VPS13A: variants seen among roughly 807,000 people sequenced by gnomAD.
VPS13A encodes the protein vacuolar protein sorting 13 homolog A.
VPS13A carries 264 observed loss-of-function variants against 390.9 expected under a neutral mutation model. That is an observed-to-expected ratio of 0.68 (90% CI 0.61 to 0.75). The LOEUF (loss-of-function observed/expected upper bound fraction) is 0.75, where lower values mean the gene tolerates loss of function less well. Among genes scored for constraint, VPS13A ranks in the 30% least tolerant of loss-of-function variants. The probability of loss-of-function intolerance (pLI) is 0.00; values close to 1 mark genes in which losing one functional copy is unlikely to be tolerated. For synonymous variants in VPS13A, 1,231 were observed against 1,227.1 expected, an observed-to-expected ratio of 1.00 and a Z score of -0.07; for missense variants, 3,409 against 3,733.9, an observed-to-expected ratio of 0.91 and a Z score of 2.27.
intron 71 of VPS13A, 23 bp downstream of exon 71, chr9:77,407,630 T>A: frequency 6.5e-7 from 1 of 1,548,102 alleles, no homozygotes; most frequent in Non-Finnish European, 8.9e-7. Flanking sequence ...AATCTTTTAT[T>A]TAAATAGGAG....
At chr9:77,366,636 T>C in intron 60 of VPS13A, 91 bp from the exon 61 acceptor site, 2 of 1,093,182 alleles carry the variant, frequency 1.8e-6, no homozygotes, top group Admixed American at 2.1e-5. Flanking sequence ...ATTTATGGTG[T>C]AGTGAATTTA....
At chr9:77,414,728 T>C (rs1304890146) in intron 71 of VPS13A, among the ~76,000 whole-genome samples, 2 of 124,012 alleles carry the variant, frequency 1.6e-5, no homozygotes, top group African/African-American at 3.0e-5. Flanking sequence ...ACCCTAAAAC[T>C]TGAAGTATAA....
In VPS13A at chr9:77,178,029, G is replaced by C. The variant is rs114803328; in HGVS notation, c.100+225G>C. 6 of 516,728 alleles carry C rather than the reference G, an allele frequency of 1.2e-5. 1 individual carries two copies. The South Asian group carries it at 1.2e-4, about 10-fold the overall frequency. 32.0% of individuals were successfully genotyped at this position (516,728 alleles called of 1,614,324 possible). On this transcript the variant is annotated intron_variant, in intron 1 of 71. Coordinates refer to ENST00000360280, the MANE Select transcript of VPS13A (RefSeq NM_033305.3). ...GGGGAAAGGAGAGGGTCATGAGTGC[G>C]GGATGAAAAGGTCTATATTTTCCGA...
At chr9:77,226,348 A>G (rs1431990329) in intron 14 of VPS13A, 118 bp from the exon 15 acceptor site, 8 of 927,322 alleles carry the variant, frequency 8.6e-6, no homozygotes, top group Admixed American at 8.1e-5. Flanking sequence ...ATTAATGTGT[A>G]TATTGTTTAC....
chr9:77,358,255 C>T, intron 56 of VPS13A, 102 bp from the exon 57 acceptor site: 2 of 1,058,788 alleles, frequency 1.9e-6, no homozygotes, highest in Admixed American at 2.0e-5. Flanking sequence ...CGTGCTTGGT[C>T]ACCGCTAGAC....
intron 68 of VPS13A, chr9:77,384,451 CTG>C: frequency 1.6e-6 from 2 of 1,243,208 alleles, no homozygotes; most frequent in Non-Finnish European, 2.3e-6. Flanking sequence ...TAATTACAGT[CTG>C]AGTCATAGCT....
rs530264731 is a variant in VPS13A at position 77,304,588 on chromosome 9, A to T, written c.3960+1526A>T. 5.9e-5 allele frequency among the ~76,000 whole-genome samples: 9 copies of T among 152,368 alleles called. No individual in the cohort carries two copies. The East Asian group carries it at 1.7e-3, about 29-fold the overall frequency. ...AGATGGCATTTAAAGCCATGGAAAT[A>T]TATGAAATAATCTATACAAAGGAAG... On this transcript the variant is annotated intron_variant, in intron 34 of 71. Coordinates refer to ENST00000360280, the MANE Select transcript of VPS13A (RefSeq NM_033305.3).
rs2131577839 is a variant in VPS13A, at chr9:77,365,547, GA to G, written c.8301del (p.Glu2767AspfsTer12). 3 of 1,610,766 alleles carry G rather than the reference GA, an allele frequency of 1.9e-6. No individual in the cohort carries two copies. The highest frequency in any genetic ancestry group is 2.5e-6 in the Non-Finnish European group (3 of 1,177,524). On this transcript the variant is annotated frameshift_variant, in exon 60 of 72. Transcript: ENST00000360280. LOFTEE classifies it high-confidence loss of function. Reference sequence around the variant, plus strand: ...AGATCAATCACAAGTCAGCCTCTATGAATATTTTCATATATCTCCTATCAAG... The same window carrying G: ...AGATCAATCACAAGTCAGCCTCTATGATATTTTCATATATCTCCTATCAAG... ...LVDQSQVSLY[E>X]YFHISPIKLH...
intron 19 of VPS13A, among the ~76,000 whole-genome samples, chr9:77,244,982 A>T (rs943748681): frequency 6.6e-6 from 1 of 152,154 alleles, no homozygotes; most frequent in South Asian, 2.1e-4. Flanking sequence ...CAATTGGGTG[A>T]ATTTGGAAGT....
At chr9:77,356,017 T>C (rs1831758859) in intron 54 of VPS13A, among the ~76,000 whole-genome samples, 1 of 152,230 alleles carries the variant, frequency 6.6e-6, no homozygotes, top group Non-Finnish European at 1.5e-5. Context: ...TGTTGTTAGT[T>C]GTCTTATAAC....
At chr9:77,370,031 G>T (rs76876625) in intron 63 of VPS13A, among the ~76,000 whole-genome samples, 1 of 152,100 alleles carries the variant, frequency 6.6e-6, no homozygotes, top group Non-Finnish European at 1.5e-5. Flanking sequence ...GTGAGTTGCC[G>T]TACTCCTTTC....
intron 1 of VPS13A, among the ~76,000 whole-genome samples, chr9:77,196,442 T>C (rs557821253): frequency 6.6e-6 from 1 of 152,198 alleles, no homozygotes; most frequent in Non-Finnish European, 1.5e-5. Flanking sequence ...CCCATCTTAC[T>C]GTAACTTTAT....
intron 29 of VPS13A, among the ~76,000 whole-genome samples, chr9:77,282,725 A>T (rs766274862): frequency 4.6e-5 from 7 of 152,062 alleles, no homozygotes; most frequent in Non-Finnish European, 8.8e-5. Flanking sequence ...AGGCTCAAGG[A>T]TCACTTGAGG....
chr9:77,299,312 T>G (rs1828200515), intron 33 of VPS13A, among the ~76,000 whole-genome samples: 1 of 152,150 alleles, frequency 6.6e-6, no homozygotes, highest in Non-Finnish European at 1.5e-5. Context: ...AGTGGTAGCT[T>G]GATGTGAATA....
rs566405140 is a variant in VPS13A, at chr9:77,386,497, G to GAA, written c.9189+4420_9189+4421dup. On this transcript the variant is annotated intron_variant, in intron 68 of 71. Coordinates refer to ENST00000360280, the MANE Select transcript of VPS13A (RefSeq NM_033305.3). The stretch of plus-strand genomic sequence containing the variant: ...CCTTTCATTCCTTAAGAATTTATCG[G>GAA]AAAAAAAAAAAGTTGTGGTTATCTT... Among the ~76,000 whole-genome samples the GAA allele has an allele frequency of 8.8e-3, 1,309 of 148,800 alleles. 10 individuals carry two copies. The highest frequency in any genetic ancestry group is 0.014 in the South Asian group (68 of 4,728).
intron 45 of VPS13A, among the ~76,000 whole-genome samples, chr9:77,323,795 C>G (rs1829869023): frequency 6.6e-6 from 1 of 152,096 alleles, no homozygotes; most frequent in Non-Finnish European, 1.5e-5. Flanking sequence ...GAATACAGTA[C>G]AGATGGAGTT....
intron 1 of VPS13A, chr9:77,178,150 C>G: frequency 3.4e-6 from 1 of 290,832 alleles, no homozygotes; most frequent in Non-Finnish European, 6.7e-6. Context: ...CGGCTTTAGC[C>G]GCGCGGGGCG....
Position 77,416,331 on chromosome 9 carries a change from T to C in VPS13A, c.*325T>C. 1 of 290,698 alleles carries C rather than the reference T, an allele frequency of 3.4e-6. No individual in the cohort carries two copies. Among genetic ancestry groups the C allele is most frequent in the South Asian group, 3.4e-5 (1 of 29,832 alleles). The allele number at this position is 290,698 out of a possible 1,614,324, so 18.0% of individuals were successfully genotyped here. On this transcript the variant is annotated 3_prime_UTR_variant, in exon 72 of 72. Transcript: ENST00000360280. ...ATTTGCTCCATCTTTTTCTCTGTAA[T>C]GGTGGAGAGGCTGCCCATAATTCAT...
chr9:77,370,791 A>G, intron 65 of VPS13A, 99 bp from the exon 66 acceptor site: 3 of 1,517,418 alleles, frequency 2.0e-6, no homozygotes, highest in Middle Eastern at 2.4e-4. Context: ...CTTATGCTAT[A>G]TAAAAAGCAG....
Sources: gnomAD v4.1 joint callset for allele counts (sites outside exome capture counted in the v4.1 genomes callset) on GRCh38, gnomAD v4.1.1 for gene constraint, MANE v1.5 for transcripts, NCBI Gene and HGNC (gene_info 2026-07-23, HGNC 2026-07-21) for gene names.